The following PLK5 variants were observed in gnomAD, a reference collection of about 807,000 sequenced individuals.
PLK5 encodes the protein polo like kinase 5 (inactive), also known as inactive serine/threonine-protein kinase PLK5.
Under a neutral mutation model 33.7 loss-of-function variants are expected in PLK5, and 28 were observed. The observed-to-expected ratio is 0.83, with a 90% CI of 0.62 to 1.14. PLK5 has a LOEUF of 1.14. Ranked by LOEUF, PLK5 falls within the 50% of genes most tolerant of loss-of-function variation. The probability of loss-of-function intolerance (pLI) is 0.00; values close to 1 mark genes in which losing one functional copy is unlikely to be tolerated. For missense variants in PLK5, 492 were observed against 461.5 expected, an observed-to-expected ratio of 1.07 and a Z score of -0.61; for synonymous variants, 225 against 202.2, an observed-to-expected ratio of 1.11 and a Z score of -0.96.
chr19:1,527,057 G>A (rs1599303101), intron 6 of PLK5, 59 bp downstream of exon 6: 1 of 1,130,404 alleles, frequency 8.8e-7, no homozygotes, highest in Non-Finnish European at 1.3e-6. Context: ...TGTGGCGGGG[G>A]GGGAGCCTGC....
intron 11 of PLK5, among the ~76,000 whole-genome samples, chr19:1,530,190 C>T (rs1913885700): frequency 6.6e-6 from 1 of 152,092 alleles, no homozygotes; most frequent in African/African-American, 2.4e-5. Context: ...CTCTTCCTCT[C>T]CCCTCCTCTC....
Position 1,526,754 on chromosome 19 carries a change from C to T in PLK5, c.-132C>T. On this transcript the variant is annotated 5_prime_UTR_variant, in exon 5 of 14. Transcript: ENST00000454744. ...GGAGGTGAAGATTGGAGACCTGGGA[C>T]TGGCGGCCAAGGTGGGGCCAGGGGG... 2 of 571,384 alleles carry T rather than the reference C, an allele frequency of 3.5e-6. No homozygotes were observed. Among genetic ancestry groups the T allele is most frequent in the South Asian group, 4.0e-5 (2 of 49,614 alleles). 35.4% of individuals were successfully genotyped at this position (571,384 alleles called of 1,614,324 possible). A position where few individuals can be genotyped will look rare whatever the true frequency, so the allele number is the denominator to read the frequency against.
rs1373774988 is a variant in PLK5, at chr19:1,526,470, C to T, written c.-312-16C>T. 8.4e-6 allele frequency: 2 copies of T among 239,308 alleles called. No homozygotes were observed. The highest frequency in any genetic ancestry group is 1.7e-5 in the Non-Finnish European group (2 of 117,156). 14.8% of individuals were successfully genotyped at this position (239,308 alleles called of 1,614,324 possible). A position where few individuals can be genotyped will look rare whatever the true frequency, so the allele number is the denominator to read the frequency against. ...TTACATTTGCCTTCTAATCCGGGGC[C>T]GCTGGTCACCCACAGTCTTTGGCCC... On this transcript the variant is annotated splice_polypyrimidine_tract_variant and intron_variant, in intron 3 of 13. Coordinates refer to ENST00000454744, the MANE Select transcript of PLK5 (RefSeq NM_001243079.2).
In PLK5 at chr19:1,529,283, A is replaced by G. The variant is rs1599304956; in HGVS notation, c.406-123A>G. On this transcript the variant is annotated intron_variant, in intron 9 of 13. Coordinates refer to ENST00000454744, the MANE Select transcript of PLK5 (RefSeq NM_001243079.2). ...ACTCCGAGGCTGCCTCCCAAGGGGA[A>G]AGCAGTGCCTCTGTGTGCAGAGCAC... 28 of 848,854 alleles carry G rather than the reference A, an allele frequency of 3.3e-5. No individual in the cohort carries two copies. In the East Asian group the frequency reaches 7.5e-4, roughly 23 times the overall value. 52.6% of individuals were successfully genotyped at this position (848,854 alleles called of 1,614,324 possible).
At chr19:1,534,673 C>T (rs1344432506) in intron 13 of PLK5, among the ~76,000 whole-genome samples, 15 of 139,922 alleles carry the variant, frequency 1.1e-4, no homozygotes, top group Non-Finnish European at 2.2e-4. Flanking sequence ...AAAAATTAGC[C>T]GGGCGTGGTG....
chr19:1,527,602 T>TA (rs11400311), intron 6 of PLK5, among the ~76,000 whole-genome samples: 37,230 of 147,088 alleles, frequency 0.25, 5,779 homozygotes, highest in East Asian at 0.72. Context: ...ACCCTGTCTT[T>TA]AAAAAAAAAA....
At chr19:1,535,030 C>T in intron 13 of PLK5, 35 bp from the exon 14 acceptor site, 3 of 1,474,402 alleles carry the variant, frequency 2.0e-6, no homozygotes, top group Non-Finnish European at 1.8e-6. Context: ...GCAGGGGTAC[C>T]CGTCTCCCCT....
intron 9 of PLK5, 30 bp from the exon 10 acceptor site, chr19:1,529,376 C>G (rs1311578044): frequency 2.0e-5 from 31 of 1,523,848 alleles, no homozygotes; most frequent in Non-Finnish European, 2.4e-5. Flanking sequence ...GGGGCCGGGG[C>G]CACCCCCACC....
At chr19:1,525,923 A>C (rs1390552097) in intron 3 of PLK5, among the ~76,000 whole-genome samples, 1 of 152,160 alleles carries the variant, frequency 6.6e-6, no homozygotes, top group Non-Finnish European at 1.5e-5. Context: ...ACCTGGGCCC[A>C]GCTTACGCTG....
rs1284492130 is a variant in PLK5 at position 1,535,026 on chromosome 19, G to T, written c.826-39G>T. 4.8e-6 allele frequency: 7 copies of T among 1,463,312 alleles called. No individual in the cohort carries two copies. The African/African-American group carries it at 8.5e-5, about 18-fold the overall frequency. 90.6% of individuals were successfully genotyped at this position (1,463,312 alleles called of 1,614,324 possible). ...GCCACGGCTGGAGGCAGGTGCAGGG[G>T]TACCCGTCTCCCCTTGACTGGTATC... On this transcript the variant is annotated intron_variant, in intron 13 of 13. Transcript: ENST00000454744.
chr19:1,527,187 T>C (rs1245126199), intron 6 of PLK5, among the ~76,000 whole-genome samples, 189 bp downstream of exon 6: 1 of 150,160 alleles, frequency 6.7e-6, no homozygotes, highest in Non-Finnish European at 1.5e-5. Context: ...CGGGGGAGGG[T>C]GTGCACAGAG....
chr19:1,529,807 T>C lies in PLK5; in HGVS notation c.551T>C (p.Leu184Pro), dbSNP rs1207355848. 6.5e-7 allele frequency: 1 copy of C among 1,535,918 alleles called. No homozygotes were observed. Among genetic ancestry groups the C allele is most frequent in the South Asian group, 1.2e-5 (1 of 84,044 alleles). The change falls in exon 11 of 14, where the codon CTG becomes CCG. Residue 184 changes from leucine (L) to proline (P), a missense_variant. Leu to Pro is a moderately conservative substitution (Grantham distance 98). Transcript: ENST00000454744. Reference protein sequence around the residue: ...EAALRHLQLCLDVGPPATQDP... With the variant: ...EAALRHLQLCPDVGPPATQDP... ...GCCCTCAGACACCTGCAGCTGTGCCTGGATGTAGGCCCCCCGGGTAGGAGC... is the reference window on the plus strand; with the variant it reads ...GCCCTCAGACACCTGCAGCTGTGCCCGGATGTAGGCCCCCCGGGTAGGAGC...
Position 1,526,750 on chromosome 19 carries a change from G to A in PLK5, c.-136G>A. 7.0e-6 allele frequency: 4 copies of A among 570,696 alleles called. No individual in the cohort carries two copies. Among genetic ancestry groups the A allele is most frequent in the African/African-American group, 1.9e-5 (1 of 52,448 alleles). 35.4% of individuals were successfully genotyped at this position (570,696 alleles called of 1,614,324 possible). Reference sequence around the variant, plus strand: ...ACATGGAGGTGAAGATTGGAGACCTGGGACTGGCGGCCAAGGTGGGGCCAG... The same window carrying A: ...ACATGGAGGTGAAGATTGGAGACCTAGGACTGGCGGCCAAGGTGGGGCCAG... On this transcript the variant is annotated 5_prime_UTR_variant, in exon 5 of 14. Transcript: ENST00000454744.
Position 1,531,751 on chromosome 19 carries a change from C to G in PLK5, c.582C>G (p.Pro194=). ...GTTTGTGCCCAGCCACACAGGACCC[C>G]CTGGGAGAGCAGCAGCCCATCCTCT... The part of the protein sequence containing the change: ...LDVGPPATQD[P]LGEQQPILWA... Residue 194 remains proline (P), a synonymous_variant, in exon 12 of 14, where the codon CCC becomes CCG. Coordinates refer to ENST00000454744, the MANE Select transcript of PLK5 (RefSeq NM_001243079.2). 6.5e-7 allele frequency: 1 copy of G among 1,536,568 alleles called. No homozygotes were observed. Among genetic ancestry groups the G allele is most frequent in the Non-Finnish European group, 8.7e-7 (1 of 1,147,112 alleles).
In PLK5 at chr19:1,529,101, C is replaced by G. The variant is rs943037583; in HGVS notation, c.405+127C>G. 7 of 799,548 alleles carry G rather than the reference C, an allele frequency of 8.8e-6. No homozygotes were observed. The East Asian group carries it at 1.9e-4, about 22-fold the overall frequency. The allele number at this position is 799,548 out of a possible 1,614,324, so 49.5% of individuals were successfully genotyped here. On this transcript the variant is annotated intron_variant, in intron 9 of 13. Coordinates refer to ENST00000454744, the MANE Select transcript of PLK5 (RefSeq NM_001243079.2). ...GGGTCTCCAAGCCCGGCCCCCTCCC[C>G]CTAGTCCCGTCCTGACGCATCAGAG...
At position 1,525,421 on chromosome 19, in the gene PLK5, GC is replaced by G. The variant is rs1316776396; in HGVS notation, c.-430+4del. 4 of 151,222 alleles carry G rather than the reference GC, an allele frequency of 2.6e-5. No individual in the cohort carries two copies. Among genetic ancestry groups the G allele is most frequent in the African/African-American group, 9.8e-5 (4 of 40,688 alleles). The allele number at this position is 151,222 out of a possible 1,614,324, so 9.4% of individuals were successfully genotyped here. ...GGTGGCTTCGCCCGCAGGGAAAGGT[GC>G]GTGTCCCCATCGGTCCCCAGGGCCC... is the stretch of plus-strand genomic sequence containing the variant. On this transcript the variant is annotated splice_donor_region_variant and intron_variant, in intron 2 of 13. Transcript: ENST00000454744.
Position 1,526,906 on chromosome 19 carries a change from ACT to A in PLK5, c.-88_-87del. ...CCCCCCATGACGCCCTTCCTAGAGT[ACT>A]CTGTGGGACCCCTAACTTCCTGGAC... On this transcript the variant is annotated 5_prime_UTR_variant, in exon 6 of 14. It introduces an in-frame stop codon into an upstream open reading frame of the 5' UTR. Coordinates refer to ENST00000454744, the MANE Select transcript of PLK5 (RefSeq NM_001243079.2). The A allele has an allele frequency of 6.9e-7, 1 of 1,449,428 alleles. No homozygotes were observed. The highest frequency in any genetic ancestry group is 9.4e-7 in the Non-Finnish European group (1 of 1,068,694). 89.8% of individuals were successfully genotyped at this position (1,449,428 alleles called of 1,614,324 possible).
chr19:1,530,239 G>A lies in PLK5; in HGVS notation c.568+415G>A, dbSNP rs148351080. Among the ~76,000 whole-genome samples the A allele has an allele frequency of 1.7e-4, 26 of 152,134 alleles. No homozygotes were observed. In the East Asian group the frequency reaches 3.9e-3, roughly 23 times the overall value. The stretch of plus-strand genomic sequence containing the variant: ...TGACCCACACATACTGCCACCCTTA[G>A]AGAGGGAGCCCCAAACCCCACGCCA... On this transcript the variant is annotated intron_variant, in intron 11 of 13. Transcript: ENST00000454744.
intron 11 of PLK5, 66 bp downstream of exon 11, chr19:1,529,890 C>A: frequency 1.4e-6 from 2 of 1,467,164 alleles, no homozygotes; most frequent in South Asian, 1.3e-5. Context: ...TGCCTTCATT[C>A]CCATCCTGGG....
Sources: gnomAD v4.1 joint callset for allele counts (sites outside exome capture counted in the v4.1 genomes callset) on GRCh38, gnomAD v4.1.1 for gene constraint, MANE v1.5 for transcripts, NCBI Gene and HGNC (gene_info 2026-07-23, HGNC 2026-07-21) for gene names.